The following TMPRSS7 variants were observed in gnomAD, a reference collection of about 807,000 sequenced individuals.
TMPRSS7 encodes the protein transmembrane protease serine 7.
A neutral mutation model predicts 95.6 loss-of-function variants in TMPRSS7; 81 were observed. The observed-to-expected ratio is 0.85, with a 90% confidence interval of 0.71 to 1.02. The LOEUF (loss-of-function observed/expected upper bound fraction) is 1.02, where lower values mean the gene tolerates loss of function less well. TMPRSS7 is among the 50% of genes least tolerant of loss of function. The probability of loss-of-function intolerance (pLI) is 0.00; values close to 1 mark genes in which losing one functional copy is unlikely to be tolerated. For missense variants in TMPRSS7, 945 were observed against 955.2 expected (o/e 0.99, Z 0.14); for synonymous variants, 364 against 337.8 (o/e 1.08, Z -0.85).
chr3:112,055,943 A>G (rs1238385366), intron 9 of TMPRSS7, among the ~76,000 whole-genome samples: 2 of 152,180 alleles, frequency 1.3e-5, no homozygotes, highest in Non-Finnish European at 2.9e-5. Flanking sequence ...TATAATCCCA[A>G]CACTTTTGGA....
intron 17 of TMPRSS7, 90 bp downstream of exon 17, chr3:112,078,968 G>C (rs748554884): frequency 1.3e-5 from 19 of 1,452,284 alleles, no homozygotes; most frequent in Non-Finnish European, 1.6e-5. Flanking sequence ...GAAATAACCA[G>C]GGCAGGTATT....
exon 11 of TMPRSS7, chr3:112,061,919 T>C: frequency 3.1e-6 from 5 of 1,608,308 alleles, no homozygotes; most frequent in Non-Finnish European, 4.2e-6. Flanking sequence ...ACAACATCAG[T>C]CAACGTAAGC....
chr3:112,060,584 G>A (rs1657516082), intron 10 of TMPRSS7, among the ~76,000 whole-genome samples: 2 of 152,208 alleles, frequency 1.3e-5, no homozygotes, highest in Non-Finnish European at 2.9e-5. Flanking sequence ...GCTGTGTTCT[G>A]CCTGGCTCAC....
intron 17 of TMPRSS7, among the ~76,000 whole-genome samples, chr3:112,079,374 A>G (rs2073750996): frequency 6.6e-6 from 1 of 152,200 alleles, no homozygotes; most frequent in African/African-American, 2.4e-5. Context: ...TGAGATTCCA[A>G]TCTATGCAGT....
At chr3:112,049,680 T>C (rs2073321636) in intron 7 of TMPRSS7, among the ~76,000 whole-genome samples, 164 bp from the exon 8 acceptor site, 1 of 152,210 alleles carries the variant, frequency 6.6e-6, no homozygotes, top group Non-Finnish European at 1.5e-5. Context: ...TCTGTAGTGC[T>C]CTGTGGCTAC....
intron 13 of TMPRSS7, among the ~76,000 whole-genome samples, chr3:112,067,382 C>T (rs1182643266): frequency 2.6e-5 from 4 of 152,164 alleles, no homozygotes; most frequent in Non-Finnish European, 4.4e-5. Context: ...ATTTGTAGTT[C>T]TAGATCCTTG....
chr3:112,038,224 A>T (rs957598315), exon 2 of TMPRSS7: 2 of 702,882 alleles, frequency 2.8e-6, no homozygotes, highest in Non-Finnish European at 5.2e-6. Context: ...CCAAGAAAAA[A>T]GTTCCCTTTT....
chr3:112,070,791 A>T (rs999574550), intron 13 of TMPRSS7, among the ~76,000 whole-genome samples: 2 of 152,056 alleles, frequency 1.3e-5, no homozygotes, highest in East Asian at 3.9e-4. Flanking sequence ...TATTATTATT[A>T]TTATACTTTA....
intron 13 of TMPRSS7, among the ~76,000 whole-genome samples, chr3:112,066,976 C>G (rs1229746729): frequency 6.6e-6 from 1 of 152,114 alleles, no homozygotes. Flanking sequence ...CTATCCCTCC[C>G]CAAGGCCCTT....
chr3:112,080,554 T>TACTACTACTACTACTACCACC (rs1559966213), intron 17 of TMPRSS7, among the ~76,000 whole-genome samples: 6 of 75,894 alleles, frequency 7.9e-5, no homozygotes, highest in African/African-American at 2.4e-4. Context: ...CTACCACCAC[T>TACTACTACTACTACTACCACC]ACTACTACTA....
exon 13 of TMPRSS7, chr3:112,066,398 C>G: frequency 6.2e-7 from 1 of 1,613,788 alleles, no homozygotes. Flanking sequence ...CTAGTGAGCC[C>G]TCAACCTGCC....
At chr3:112,037,736 T>A (rs2073161152) in intron 1 of TMPRSS7, among the ~76,000 whole-genome samples, 1 of 152,276 alleles carries the variant, frequency 6.6e-6, no homozygotes, top group South Asian at 2.1e-4. Flanking sequence ...AAAATTTCTC[T>A]CTTTTGTACT....
At chr3:112,078,803 T>C (rs1176302172) in exon 17 of TMPRSS7, 1 of 1,614,234 alleles carries the variant, frequency 6.2e-7, no homozygotes, top group South Asian at 1.1e-5. Flanking sequence ...AAACGCTCTG[T>C]GTTTCCACCT....
intron 9 of TMPRSS7, 28 bp downstream of exon 9, chr3:112,050,811 A>G: frequency 8.6e-7 from 1 of 1,168,668 alleles, no homozygotes; most frequent in Non-Finnish European, 1.2e-6. Flanking sequence ...GTGTCTTAGA[A>G]AAATATTACT....
At chr3:112,045,865 C>A in exon 5 of TMPRSS7, 1 of 1,551,852 alleles carries the variant, frequency 6.4e-7, no homozygotes. Context: ...GGACTCCATC[C>A]AGACAAGCAT....
At chr3:112,069,860 C>T (rs2107758843) in intron 13 of TMPRSS7, among the ~76,000 whole-genome samples, 1 of 151,962 alleles carries the variant, frequency 6.6e-6, no homozygotes, top group East Asian at 1.9e-4. Flanking sequence ...TATTTCTTGC[C>T]TTCTGCTAGC....
Position 112,061,887 on chromosome 3 carries a change from C to T in TMPRSS7, c.1411C>T (p.Leu471Phe), listed in dbSNP as rs187367994. The change falls in exon 11 of 18, where the codon CTT (leucine) becomes TTT (phenylalanine). Residue 471 changes from leucine (L) to phenylalanine (F), a missense_variant. Transcript: ENST00000452346. ...CAGTTCAAGGCTTTCAGACAAGCCA[C>T]TTTTGGCAGAATATGGCAGTTACAA... The T allele has an allele frequency of 9.8e-5, 158 of 1,611,784 alleles. No individual in the cohort carries two copies. In the African/African-American group the frequency reaches 1.9e-3, roughly 19 times the overall value.
intron 12 of TMPRSS7, among the ~76,000 whole-genome samples, chr3:112,064,525 G>T (rs1198079979): frequency 1.3e-5 from 2 of 151,612 alleles, no homozygotes; most frequent in African/African-American, 2.4e-5. Context: ...ATTTTTAAAA[G>T]ATTTTTATTA....
intron 7 of TMPRSS7, among the ~76,000 whole-genome samples, chr3:112,048,207 C>T (rs1489464860): frequency 1.3e-5 from 2 of 152,090 alleles, no homozygotes; most frequent in East Asian, 1.9e-4. Flanking sequence ...ACAGCAAGAA[C>T]GTCAGCCAAT....
Sources: allele counts gnomAD v4.1 joint callset (sites outside exome capture counted in the v4.1 genomes callset), GRCh38; gene constraint gnomAD v4.1.1; transcripts MANE v1.5; gene names NCBI Gene and HGNC (gene_info 2026-07-23, HGNC 2026-07-21).